LRMDA: variants seen among roughly 807,000 people sequenced by gnomAD.
LRMDA encodes leucine rich melanocyte differentiation associated.
LRMDA carries 18 observed loss-of-function variants against 29.8 expected under a neutral mutation model. The observed-to-expected ratio is 0.60, with a 90% CI of 0.42 to 0.90. The LOEUF is 0.90. Ranked by LOEUF, LRMDA falls within the 40% of genes least tolerant of loss-of-function variation. The pLI, the probability that LRMDA is intolerant of heterozygous loss-of-function variation, is 0.00. For synonymous variants in LRMDA, 125 were observed against 109.4 expected (o/e 1.14, Z -0.89); for missense variants, 273 against 273.9 (o/e 1.00, Z 0.02).
intron 2 of LRMDA, among the ~76,000 whole-genome samples, chr10:75,731,650 C>G (rs148716606): frequency 1.1e-3 from 166 of 152,320 alleles, no homozygotes; most frequent in African/African-American, 3.4e-3. Context: ...CTCTATAGTC[C>G]TTTCTGTAGA....
chr10:76,542,998 C>T (rs187235137), intron 6 of LRMDA, among the ~76,000 whole-genome samples: 8 of 152,228 alleles, frequency 5.3e-5, no homozygotes, highest in East Asian at 3.9e-4. Context: ...TTGCCTGAGA[C>T]GGGAAGATTA....
Position 76,306,520 on chromosome 10 carries a change from G to A in LRMDA, c.517-17881G>A, listed in dbSNP as rs943794506. Reference sequence around the variant, plus strand: ...CATGACACGGGGCATGGATCTTCAGGGGCTTACCTAAGCTGTCCAGGACAC... The same window carrying A: ...CATGACACGGGGCATGGATCTTCAGAGGCTTACCTAAGCTGTCCAGGACAC... On this transcript the variant is annotated intron_variant, in intron 5 of 6. Coordinates refer to ENST00000611255, the MANE Select transcript of LRMDA (RefSeq NM_001305581.2). Among the ~76,000 whole-genome samples, 7 of 152,178 alleles carry A rather than the reference G, an allele frequency of 4.6e-5. No individual in the cohort carries two copies. The East Asian group carries it at 1.2e-3, about 25-fold the overall frequency.
chr10:75,456,112 G>T (rs1455315808), intron 2 of LRMDA, among the ~76,000 whole-genome samples: 1 of 152,230 alleles, frequency 6.6e-6, no homozygotes, highest in Admixed American at 6.5e-5. Flanking sequence ...TCAAGGTATG[G>T]GTTCTCCCAT....
chr10:76,170,532 G>C (rs898752236), intron 5 of LRMDA, among the ~76,000 whole-genome samples: 4 of 152,164 alleles, frequency 2.6e-5, no homozygotes, highest in Non-Finnish European at 5.9e-5. Flanking sequence ...TTGCTTCTCT[G>C]AGTCTAGCTC....
chr10:76,473,745 T>C (rs1842641137), intron 6 of LRMDA, among the ~76,000 whole-genome samples: 1 of 151,694 alleles, frequency 6.6e-6, no homozygotes, highest in Non-Finnish European at 1.5e-5. Flanking sequence ...CCATTTATAA[T>C]AGCATCAAAA....
At chr10:75,572,265 T>C (rs1324029101) in intron 2 of LRMDA, among the ~76,000 whole-genome samples, 1 of 152,150 alleles carries the variant, frequency 6.6e-6, no homozygotes, top group Non-Finnish European at 1.5e-5. Flanking sequence ...TATTATTTTT[T>C]AATAATCAAC....
At chr10:75,712,797 C>A (rs1005199684) in intron 2 of LRMDA, among the ~76,000 whole-genome samples, 1 of 151,236 alleles carries the variant, frequency 6.6e-6, no homozygotes, top group African/African-American at 2.4e-5. Context: ...TTTCAGCGTC[C>A]CCCCACCCCC....
chr10:76,492,097 C>T (rs1274736388), intron 6 of LRMDA, among the ~76,000 whole-genome samples: 1 of 152,022 alleles, frequency 6.6e-6, no homozygotes, highest in African/African-American at 2.4e-5. Flanking sequence ...AATTCCTTCT[C>T]TTCGTTATCT....
intron 6 of LRMDA, among the ~76,000 whole-genome samples, chr10:76,554,786 C>G (rs1277296347): frequency 2.0e-5 from 2 of 100,912 alleles, no homozygotes; most frequent in Non-Finnish European, 2.4e-5. Flanking sequence ...CGAAGTTTAC[C>G]CTGGAGAAAG....
rs146357127 is a variant in LRMDA, at chr10:76,059,550, C to T, written c.516+767C>T. On this transcript the variant is annotated intron_variant, in intron 5 of 6. Coordinates refer to ENST00000611255, the MANE Select transcript of LRMDA (RefSeq NM_001305581.2). Reference sequence around the variant, plus strand: ...GGACTCGGTGACCCCTGATGATCTCCTTGGAGAACCATCATTGCCTTGAGG... The same window carrying T: ...GGACTCGGTGACCCCTGATGATCTCTTTGGAGAACCATCATTGCCTTGAGG... Among the ~76,000 whole-genome samples, 125 of 152,306 alleles carry T rather than the reference C, an allele frequency of 8.2e-4. 2 individuals carry two copies. In the South Asian group the frequency reaches 0.015, roughly 18 times the overall value.
intron 3 of LRMDA, among the ~76,000 whole-genome samples, chr10:76,043,751 G>A (rs949554862): frequency 3.9e-5 from 6 of 152,070 alleles, no homozygotes; most frequent in South Asian, 2.1e-4. Flanking sequence ...TCCTTCACTC[G>A]TCATTAAATG....
chr10:75,794,955 T>G (rs1195432177), intron 2 of LRMDA, among the ~76,000 whole-genome samples: 1 of 152,156 alleles, frequency 6.6e-6, no homozygotes, highest in East Asian at 1.9e-4. Flanking sequence ...ATTTTTTTTT[T>G]TTGTTAATGC....
chr10:75,591,108 G>T (rs1032289062), intron 2 of LRMDA, among the ~76,000 whole-genome samples: 8 of 152,222 alleles, frequency 5.3e-5, no homozygotes, highest in Admixed American at 2.0e-4. Context: ...TGGGCATGGT[G>T]GCTCATGCCT....
intron 5 of LRMDA, among the ~76,000 whole-genome samples, chr10:76,202,029 G>A (rs753282980): frequency 2.0e-4 from 30 of 152,028 alleles, no homozygotes; most frequent in Non-Finnish European, 2.8e-4. Flanking sequence ...TTTTCAGCAG[G>A]TTAGTCTCAG....
intron 2 of LRMDA, among the ~76,000 whole-genome samples, chr10:76,008,161 G>T (rs1847706602): frequency 6.6e-6 from 1 of 152,176 alleles, no homozygotes; most frequent in Non-Finnish European, 1.5e-5. Context: ...GGGTGTTTGC[G>T]TTGGGGTGGC....
intron 2 of LRMDA, among the ~76,000 whole-genome samples, chr10:75,718,360 A>T (rs1842526898): frequency 6.6e-6 from 1 of 152,166 alleles, no homozygotes; most frequent in South Asian, 2.1e-4. Context: ...AGAGACTTGG[A>T]GAGGGCAGAG....
intron 6 of LRMDA, among the ~76,000 whole-genome samples, chr10:76,526,711 T>A (rs921887115): frequency 2.0e-5 from 3 of 151,514 alleles, no homozygotes; most frequent in Admixed American, 2.0e-4. Context: ...ACAACCACCT[T>A]GTTACAGAAG....
chr10:75,547,638 A>G (rs1350768871), intron 2 of LRMDA, among the ~76,000 whole-genome samples: 3 of 152,234 alleles, frequency 2.0e-5, no homozygotes, highest in Non-Finnish European at 2.9e-5. Flanking sequence ...ACTAAATACC[A>G]GTGCTCAAGC....
At chr10:75,631,746 T>C (rs550798255) in intron 2 of LRMDA, among the ~76,000 whole-genome samples, 73 of 152,320 alleles carry the variant, frequency 4.8e-4, no homozygotes, top group African/African-American at 1.7e-3. Flanking sequence ...TCTTGGCCCC[T>C]GTGACATTGT....
Sources: allele counts gnomAD v4.1 joint callset (sites outside exome capture counted in the v4.1 genomes callset), GRCh38; gene constraint gnomAD v4.1.1; transcripts MANE v1.5; gene names NCBI Gene and HGNC (gene_info 2026-07-23, HGNC 2026-07-21).